Variants in ANO10 observed in about 807,000 individuals in gnomAD.
The protein encoded by ANO10 is anoctamin-10.
ANO10 carries 77 observed loss-of-function variants against 74.7 expected under a neutral mutation model. The observed-to-expected ratio is 1.03, with a 90% CI of 0.86 to 1.25. The LOEUF is 1.25. Ranked by LOEUF, ANO10 falls within the 50% of genes most tolerant of loss-of-function variation. The pLI, the probability that ANO10 is intolerant of heterozygous loss-of-function variation, is 0.00. For missense variants in ANO10, 721 were observed against 778.1 expected (o/e 0.93, Z 0.87); for synonymous variants, 279 against 284.9 (o/e 0.98, Z 0.21).
intron 11 of ANO10, among the ~76,000 whole-genome samples, chr3:43,505,160 C>T (rs562082114): frequency 1.3e-5 from 2 of 152,202 alleles, no homozygotes; most frequent in African/African-American, 4.8e-5. Flanking sequence ...AAAATGCCAT[C>T]GAGTTTTTAA....
intron 11 of ANO10, among the ~76,000 whole-genome samples, chr3:43,446,911 AC>A (rs2148983291): frequency 1.3e-5 from 2 of 152,198 alleles, no homozygotes; most frequent in South Asian, 4.1e-4. Context: ...TGATACCCCT[AC>A]CCCTGCCCTC....
At chr3:43,545,326 TATAAAC>T (rs1355046084) in intron 11 of ANO10, among the ~76,000 whole-genome samples, 1 of 152,204 alleles carries the variant, frequency 6.6e-6, no homozygotes, top group African/African-American at 2.4e-5. Context: ...AGAAAAATCT[TATAAAC>T]AGAAACATGT....
chr3:43,466,964 AAT>A (rs2075653062), intron 11 of ANO10, among the ~76,000 whole-genome samples: 1 of 152,228 alleles, frequency 6.6e-6, no homozygotes, highest in Non-Finnish European at 1.5e-5. Flanking sequence ...AATGTTCACA[AAT>A]AGTATGCTAA....
rs1450571317 is a variant in ANO10 at position 43,589,723 on chromosome 3, G to A, written c.472+8809C>T. Reference sequence around the variant, plus strand: ...CCTTTGATCTAACAATTTCACTTCTGGGAATTTTCCTACTTTATTTTTAAT... The same window carrying A: ...CCTTTGATCTAACAATTTCACTTCTAGGAATTTTCCTACTTTATTTTTAAT... On this transcript the variant is annotated intron_variant, in intron 4 of 12. Transcript: ENST00000292246. 2.0e-5 allele frequency among the ~76,000 whole-genome samples: 3 copies of A among 152,076 alleles called. No individual in the cohort carries two copies. The East Asian group carries it at 5.8e-4, about 29-fold the overall frequency.
intron 12 of ANO10, among the ~76,000 whole-genome samples, chr3:43,422,409 C>A (rs1402279825): frequency 6.6e-6 from 1 of 152,192 alleles, no homozygotes; most frequent in African/African-American, 2.4e-5. Flanking sequence ...GCCACCGCGC[C>A]CACCCTTTTT....
chr3:43,575,329 G>T (rs2080945443), intron 6 of ANO10, among the ~76,000 whole-genome samples: 1 of 152,144 alleles, frequency 6.6e-6, no homozygotes, highest in African/African-American at 2.4e-5. Context: ...ATACTGCATA[G>T]ATCCCAAAAC....
At chr3:43,657,066 A>G (rs1255262206) in intron 1 of ANO10, among the ~76,000 whole-genome samples, 2 of 152,274 alleles carry the variant, frequency 1.3e-5, no homozygotes, top group Admixed American at 1.3e-4. Context: ...ATCCAAAAAT[A>G]AATGAATGTT....
At chr3:43,665,703 C>A (rs192591912) in intron 1 of ANO10, among the ~76,000 whole-genome samples, 2 of 152,106 alleles carry the variant, frequency 1.3e-5, no homozygotes, top group African/African-American at 4.8e-5. Context: ...ATGAGTAATT[C>A]GCAAAATCTT....
intron 12 of ANO10, among the ~76,000 whole-genome samples, chr3:43,392,422 C>T (rs1316110660): frequency 6.6e-6 from 1 of 152,160 alleles, no homozygotes; most frequent in Non-Finnish European, 1.5e-5. Flanking sequence ...CTGCATCTTG[C>T]AAAATCAGCC....
chr3:43,645,884 T>A (rs2083721260), intron 1 of ANO10, among the ~76,000 whole-genome samples: 1 of 152,166 alleles, frequency 6.6e-6, no homozygotes, highest in South Asian at 2.1e-4. Context: ...CTGGGCTCAC[T>A]GCAGCCTCCA....
chr3:43,551,652 A>G (rs891494906), intron 10 of ANO10: 4 of 436,218 alleles, frequency 9.2e-6, no homozygotes, highest in African/African-American at 2.0e-5. Flanking sequence ...TAAGATTGCT[A>G]TGTCTTCCTG....
intron 1 of ANO10, among the ~76,000 whole-genome samples, chr3:43,649,731 G>A (rs749713301): frequency 6.6e-6 from 1 of 152,166 alleles, no homozygotes; most frequent in East Asian, 1.9e-4. Flanking sequence ...AGGCTAAGCC[G>A]AGGTCCCGTG....
At chr3:43,546,453 C>G (rs2079193694) in intron 11 of ANO10, among the ~76,000 whole-genome samples, 1 of 152,126 alleles carries the variant, frequency 6.6e-6, no homozygotes, top group Non-Finnish European at 1.5e-5. Context: ...TATACACAGT[C>G]AAATGATTTT....
intron 1 of ANO10, among the ~76,000 whole-genome samples, chr3:43,687,441 T>C (rs930471906): frequency 6.6e-6 from 1 of 152,070 alleles, no homozygotes; most frequent in Non-Finnish European, 1.5e-5. Context: ...GGAACTACTA[T>C]TGGAGGGCTG....
At position 43,441,680 on chromosome 3, in the gene ANO10, A is replaced by G. The variant is rs147257368; in HGVS notation, c.1798-8953T>C. 6.4e-4 allele frequency among the ~76,000 whole-genome samples: 98 copies of G among 152,202 alleles called. 3 individuals are homozygous for G. The South Asian group carries it at 0.01, about 16-fold the overall frequency. On this transcript the variant is annotated intron_variant, in intron 11 of 12. Coordinates refer to ENST00000292246, the MANE Select transcript of ANO10 (RefSeq NM_018075.5). ...CTTATGAGGTCAATATCACTGTGATACCAAAACCAAAGACATAATTTAAAA... is the reference window on the plus strand; with the variant it reads ...CTTATGAGGTCAATATCACTGTGATGCCAAAACCAAAGACATAATTTAAAA...
chr3:43,691,058 G>T lies in ANO10; in HGVS notation c.-12+459C>A, dbSNP rs777382118. On this transcript the variant is annotated intron_variant, in intron 1 of 3. Transcript: ENST00000413397. ...GAGAGAGGTAAGCGCAGCCGGCAGG[G>T]GGCTTCGTGTGTCTCCGGCGCGCAC... 3.6e-5 allele frequency: 56 copies of T among 1,537,648 alleles called. No individual in the cohort carries two copies. Among genetic ancestry groups the T allele is most frequent in the Non-Finnish European group, 3.7e-5 (42 of 1,141,664 alleles).
At chr3:43,646,750 T>C (rs571279782) in intron 1 of ANO10, among the ~76,000 whole-genome samples, 1 of 152,138 alleles carries the variant, frequency 6.6e-6, no homozygotes, top group Non-Finnish European at 1.5e-5. Context: ...CCTCAGGTGA[T>C]CTGCCTGCCT....
intron 12 of ANO10, among the ~76,000 whole-genome samples, chr3:43,373,368 C>T (rs887196623): frequency 2.0e-5 from 3 of 152,070 alleles, no homozygotes; most frequent in South Asian, 4.2e-4. Context: ...ACAAAGACTC[C>T]GCCAAGAAAA....
chr3:43,512,522 A>T (rs541405135), intron 11 of ANO10, among the ~76,000 whole-genome samples: 2 of 152,216 alleles, frequency 1.3e-5, no homozygotes, highest in African/African-American at 4.8e-5. Context: ...GTGGGCCACA[A>T]CGCTAGCAGT....
Sources: allele counts gnomAD v4.1 joint callset (sites outside exome capture counted in the v4.1 genomes callset), GRCh38; gene constraint gnomAD v4.1.1; transcripts MANE v1.5; gene names NCBI Gene and HGNC (gene_info 2026-07-23, HGNC 2026-07-21).